Variants in ALDH1L1 observed in about 807,000 individuals in gnomAD.
The protein encoded by ALDH1L1 is cytosolic 10-formyltetrahydrofolate dehydrogenase.
ALDH1L1 carries 68 observed loss-of-function variants against 101.1 expected under a neutral mutation model. That is an observed-to-expected ratio of 0.67 (90% CI 0.55 to 0.82). The LOEUF is 0.82. ALDH1L1 is among the 40% of genes least tolerant of loss of function. ALDH1L1 has a pLI of 0.00. For missense variants in ALDH1L1, 1,087 were observed against 1,172.7 expected, an observed-to-expected ratio of 0.93 and a Z score of 1.07; for synonymous variants, 486 against 470.8, an observed-to-expected ratio of 1.03 and a Z score of -0.42.
chr3:126,108,641 C>T (rs1945970574), intron 20 of ALDH1L1, among the ~76,000 whole-genome samples: 1 of 152,228 alleles, frequency 6.6e-6, no homozygotes, highest in South Asian at 2.1e-4. Flanking sequence ...GTGCCCGATG[C>T]CCTGTGACAC....
In ALDH1L1 at chr3:126,109,930, AC is replaced by A; in HGVS notation, c.2347+13del. 6.2e-7 allele frequency: 1 copy of A among 1,613,170 alleles called. No homozygotes were observed. The highest frequency in any genetic ancestry group is 8.5e-7 in the Non-Finnish European group (1 of 1,179,812). ...CTCAATTGACCCAAGCGGACCTGACACACTCTGACTCACCTGGCCGAGGGAC... is the reference window on the plus strand; with the variant it reads ...CTCAATTGACCCAAGCGGACCTGACAACTCTGACTCACCTGGCCGAGGGAC... On this transcript the variant is annotated intron_variant, in intron 20 of 22. Coordinates refer to ENST00000393434, the MANE Select transcript of ALDH1L1 (RefSeq NM_012190.4).
intron 20 of ALDH1L1, among the ~76,000 whole-genome samples, chr3:126,108,504 G>C (rs1239949805): frequency 1.3e-5 from 2 of 152,200 alleles, no homozygotes; most frequent in Non-Finnish European, 2.9e-5. Context: ...GCACTGCAAG[G>C]GTCCTGGTGA....
At chr3:126,139,475 A>G (rs1026350192) in intron 9 of ALDH1L1, among the ~76,000 whole-genome samples, 72 of 150,856 alleles carry the variant, frequency 4.8e-4, no homozygotes, top group African/African-American at 1.8e-3. Context: ...CAAAATGTCC[A>G]GTTATGACCA....
At chr3:126,149,140 C>T (rs2080758177) in intron 8 of ALDH1L1, among the ~76,000 whole-genome samples, 1 of 152,232 alleles carries the variant, frequency 6.6e-6, no homozygotes, top group African/African-American at 2.4e-5. Flanking sequence ...AATAAAGTCT[C>T]TGTTCTCCAA....
intron 1 of ALDH1L1, among the ~76,000 whole-genome samples, chr3:126,162,422 T>A (rs1053821740): frequency 1.3e-5 from 2 of 152,244 alleles, no homozygotes; most frequent in African/African-American, 4.8e-5. Flanking sequence ...TGATGACCAA[T>A]GAAGTCGAAT....
chr3:126,107,289 G>A (rs1158798869), intron 20 of ALDH1L1, 43 bp from the exon 21 acceptor site: 6 of 1,520,894 alleles, frequency 3.9e-6, no homozygotes, highest in Non-Finnish European at 5.5e-6. Context: ...GAGACACGGT[G>A]CCCGATGGTC....
At chr3:126,147,167 C>T (rs2080710305) in intron 8 of ALDH1L1, among the ~76,000 whole-genome samples, 1 of 152,186 alleles carries the variant, frequency 6.6e-6, no homozygotes, top group Admixed American at 6.5e-5. Flanking sequence ...CTCATGCCCA[C>T]CTCACCTCAA....
chr3:126,114,984 T>G, intron 17 of ALDH1L1: 1 of 472,304 alleles, frequency 2.1e-6, no homozygotes. Flanking sequence ...AGCCTGCCTG[T>G]GCACCCCATC....
intron 1 of ALDH1L1, 110 bp downstream of exon 1, chr3:126,180,366 G>T (rs974679192): frequency 2.4e-6 from 2 of 838,154 alleles, no homozygotes; most frequent in African/African-American, 3.7e-5. Flanking sequence ...AGCCCTTGCG[G>T]TGAGAACCGA....
At chr3:126,184,559 G>A (rs918267155), upstream of ALDH1L1, among the ~76,000 whole-genome samples, 7 of 152,170 alleles carry the variant, frequency 4.6e-5, no homozygotes, top group South Asian at 2.1e-4. Flanking sequence ...GCCTCTGCCC[G>A]GGCTTTCCGC....
intron 12 of ALDH1L1, among the ~76,000 whole-genome samples, chr3:126,134,064 T>G (rs939854402): frequency 6.6e-6 from 1 of 152,198 alleles, no homozygotes; most frequent in Admixed American, 6.5e-5. Context: ...GTGAATTTCG[T>G]GTTCCCTAAC....
chr3:126,180,458 G>C lies in ALDH1L1; in HGVS notation c.-24+18C>G. 5 of 989,684 alleles carry C rather than the reference G, an allele frequency of 5.1e-6. No individual in the cohort carries two copies. The highest frequency in any genetic ancestry group is 6.0e-6 in the Non-Finnish European group (5 of 832,548). The allele number at this position is 989,684 out of a possible 1,614,324, so 61.3% of individuals were successfully genotyped here. ...TTTCCGCCGGGAGTCCAGCGCTCTC[G>C]AGAGCCCAGAAACTCACCGCGCGCA... On this transcript the variant is annotated intron_variant, in intron 1 of 22. Coordinates refer to ENST00000393434, the MANE Select transcript of ALDH1L1 (RefSeq NM_012190.4).
At chr3:126,177,159 C>T (rs760229055) in intron 1 of ALDH1L1, among the ~76,000 whole-genome samples, 1 of 152,186 alleles carries the variant, frequency 6.6e-6, no homozygotes, top group Non-Finnish European at 1.5e-5. Context: ...TTTTTTATAA[C>T]ACGAAACATA....
rs1395125073 is a variant in ALDH1L1 at position 126,112,821 on chromosome 3, A to G, written c.2142T>C (p.Phe714=). 1 of 1,613,728 alleles carries G rather than the reference A, an allele frequency of 6.2e-7. No homozygotes were observed. The highest frequency in any genetic ancestry group is 8.5e-7 in the Non-Finnish European group (1 of 1,180,024). Residue 714 remains phenylalanine, a synonymous_variant, in exon 19 of 23, where the codon TTT becomes TTC. Coordinates refer to ENST00000393434, the MANE Select transcript of ALDH1L1 (RefSeq NM_012190.4). The part of the protein sequence containing the change: ...GENCIAAGRL[F]VEDSIHDEFV... ...ACTCATCATGAATGGAGTCCTCCAC[A>G]AAGAGTCGGCCTGCTGCAATGCAAT...
At chr3:126,162,656 G>A (rs192688664) in intron 1 of ALDH1L1, among the ~76,000 whole-genome samples, 3 of 152,068 alleles carry the variant, frequency 2.0e-5, no homozygotes, top group Admixed American at 6.5e-5. Context: ...TTTCATCCTC[G>A]TATAATGTCT....
At chr3:126,112,731 C>T (rs997219117) in intron 19 of ALDH1L1, 51 bp downstream of exon 19, 55 of 588,466 alleles carry the variant, frequency 9.3e-5, no homozygotes, top group Non-Finnish European at 1.2e-4. Flanking sequence ...TCCAGCCAGG[C>T]GCTGCTGTCC....
At chr3:126,169,264 T>A (rs2081226728) in intron 1 of ALDH1L1, among the ~76,000 whole-genome samples, 1 of 152,176 alleles carries the variant, frequency 6.6e-6, no homozygotes, top group South Asian at 2.1e-4. Flanking sequence ...CTAAGTAAAG[T>A]ATACTCCTGT....
At chr3:126,106,018 A>G in intron 21 of ALDH1L1, 93 bp from the exon 22 acceptor site, 3 of 1,286,692 alleles carry the variant, frequency 2.3e-6, no homozygotes, top group Non-Finnish European at 3.2e-6. Context: ...CCCCAGCTGC[A>G]TAAGACCTTC....
intron 19 of ALDH1L1, among the ~76,000 whole-genome samples, chr3:126,112,174 C>T (rs3772424): frequency 0.21 from 31,875 of 152,130 alleles, 3,385 homozygotes; most frequent in Non-Finnish European, 0.21. Flanking sequence ...CCAGGTGTGG[C>T]TGAGTGGATA....
Sources: gnomAD v4.1 joint callset for allele counts (sites outside exome capture counted in the v4.1 genomes callset) on GRCh38, gnomAD v4.1.1 for gene constraint, MANE v1.5 for transcripts, NCBI Gene and HGNC (gene_info 2026-07-23, HGNC 2026-07-21) for gene names.